Variants in PLEK observed in about 807,000 individuals in gnomAD.
PLEK encodes the protein pleckstrin.
In PLEK, 25 loss-of-function variants were observed where a neutral mutation model predicts 43.9. The ratio of observed to expected loss-of-function variants is 0.57; its 90% CI spans 0.41 to 0.79. PLEK has a LOEUF of 0.79. PLEK is among the 30% of genes least tolerant of loss of function. PLEK has a pLI of 0.00. For synonymous variants in PLEK, 152 were observed against 144.4 expected (o/e 1.05, Z -0.38); for missense variants, 396 against 413.3 (o/e 0.96, Z 0.36).
In PLEK at chr2:68,395,457, A is replaced by G. The variant is rs1558502356; in HGVS notation, c.917-223A>G. On this transcript the variant is annotated intron_variant, in intron 8 of 8. Coordinates refer to ENST00000234313, the MANE Select transcript of PLEK (RefSeq NM_002664.3). ...TGTTTTACCTATTTCTTAAAAATAT[A>G]TATATACACACAGTCATACTATGTA... Among the ~76,000 whole-genome samples the G allele has an allele frequency of 2.6e-5, 4 of 152,152 alleles. No individual in the cohort carries two copies. The South Asian group carries it at 8.3e-4, about 31-fold the overall frequency.
At chr2:68,379,070 C>A (rs996321463) in intron 1 of PLEK, among the ~76,000 whole-genome samples, 1 of 152,040 alleles carries the variant, frequency 6.6e-6, no homozygotes, top group African/African-American at 2.4e-5. Flanking sequence ...ACAGGCGGAG[C>A]TTGCAGTGAG....
At chr2:68,378,442 G>A (rs1279517850) in intron 1 of PLEK, among the ~76,000 whole-genome samples, 2 of 152,220 alleles carry the variant, frequency 1.3e-5, no homozygotes, top group East Asian at 1.9e-4. Context: ...TCCACCAGAA[G>A]AGAAACCAAA....
In PLEK at chr2:68,381,034, G is replaced by C. The variant is rs568028548; in HGVS notation, c.380+130G>C. 3.6e-5 allele frequency: 28 copies of C among 774,030 alleles called. No homozygotes were observed. In the South Asian group the frequency reaches 4.5e-4, roughly 12 times the overall value. 47.9% of individuals were successfully genotyped at this position (774,030 alleles called of 1,614,324 possible). A position where few individuals can be genotyped will look rare whatever the true frequency, so the allele number is the denominator to read the frequency against. On this transcript the variant is annotated intron_variant, in intron 3 of 8. Coordinates refer to ENST00000234313, the MANE Select transcript of PLEK (RefSeq NM_002664.3). ...CTCTGCCAGGTCAATACTGGCACTT[G>C]GTGTACTAAAATGTTTACCTGGGTC...
chr2:68,384,511 C>T (rs1014872560), intron 4 of PLEK, among the ~76,000 whole-genome samples: 1 of 152,164 alleles, frequency 6.6e-6, no homozygotes, highest in Non-Finnish European at 1.5e-5. Context: ...CCTAAGATTA[C>T]AGGTGGGCTA....
chr2:68,386,456 T>C (rs2103778341), intron 4 of PLEK, 46 bp from the exon 5 acceptor site: 8 of 1,509,820 alleles, frequency 5.3e-6, no homozygotes, highest in Non-Finnish European at 7.3e-6. Flanking sequence ...CAGGGGCTTG[T>C]TCTTCGGTAA....
intron 4 of PLEK, among the ~76,000 whole-genome samples, chr2:68,383,795 T>C (rs535329739): frequency 1.6e-4 from 25 of 152,244 alleles, no homozygotes; most frequent in African/African-American, 6.0e-4. Context: ...CATCAACAGA[T>C]AATCCATGAA....
At chr2:68,375,083 T>C (rs570664259) in intron 1 of PLEK, among the ~76,000 whole-genome samples, 16 of 152,314 alleles carry the variant, frequency 1.1e-4, no homozygotes, top group Middle Eastern at 3.4e-3. Context: ...AGGACATATA[T>C]GTGTTTAGCT....
intron 1 of PLEK, among the ~76,000 whole-genome samples, chr2:68,375,186 C>T (rs923663172): frequency 2.0e-5 from 3 of 152,128 alleles, no homozygotes; most frequent in Non-Finnish European, 4.4e-5. Context: ...ATTCTACCTC[C>T]TTGTCAAGTC....
In PLEK at chr2:68,395,735, C is replaced by T. The variant is rs775007750; in HGVS notation, c.972C>T (p.His324=). 1.2e-6 allele frequency: 2 copies of T among 1,613,866 alleles called. No individual in the cohort carries two copies. The highest frequency in any genetic ancestry group is 1.7e-6 in the Non-Finnish European group (2 of 1,179,812). ...AGATCATCACAGCAGATGAAGTGCA[C>T]TATTTCTTGCAAGCAGCCACCCCCA... The part of the protein sequence containing the change: ...LFEIITADEV[H]YFLQAATPKE... The change falls in exon 9 of 9, where the codon CAC becomes CAT. Residue 324 remains histidine (H), a synonymous_variant. Coordinates refer to ENST00000234313, the MANE Select transcript of PLEK (RefSeq NM_002664.3).
At chr2:68,386,999 T>C (rs1235618076) in intron 5 of PLEK, among the ~76,000 whole-genome samples, 3 of 152,156 alleles carry the variant, frequency 2.0e-5, no homozygotes, top group East Asian at 1.9e-4. Flanking sequence ...GTTTCCTATT[T>C]ACTTATTATT....
intron 1 of PLEK, among the ~76,000 whole-genome samples, chr2:68,376,962 T>C (rs771062087): frequency 4.3e-4 from 66 of 152,178 alleles, no homozygotes; most frequent in Non-Finnish European, 8.1e-4. Flanking sequence ...TTCTACTCTC[T>C]GTGTCCATGA....
At chr2:68,372,724 C>A (rs965063029) in intron 1 of PLEK, among the ~76,000 whole-genome samples, 21 of 152,102 alleles carry the variant, frequency 1.4e-4, no homozygotes, top group Non-Finnish European at 2.9e-4. Flanking sequence ...CACATACACA[C>A]AGCATATGGA....
intron 6 of PLEK, among the ~76,000 whole-genome samples, chr2:68,392,122 CTTCCTTCCTCT>C (rs1395773597): frequency 1.3e-5 from 2 of 151,648 alleles, no homozygotes; most frequent in Non-Finnish European, 2.9e-5. Context: ...TTCTTTCTTT[CTTCCTTCCTCT>C]TTCCTTCCTC....
chr2:68,372,227 GC>G (rs1673422906), intron 1 of PLEK, among the ~76,000 whole-genome samples: 1 of 150,678 alleles, frequency 6.6e-6, no homozygotes, highest in Non-Finnish European at 1.5e-5. Flanking sequence ...AGGCTGGAGT[GC>G]AGTGGTGTGA....
intron 5 of PLEK, 91 bp downstream of exon 5, chr2:68,386,777 G>A (rs974753132): frequency 2.4e-5 from 24 of 991,882 alleles, no homozygotes; most frequent in African/African-American, 1.3e-4. Context: ...TCTATAGAGC[G>A]CTGTTAGGCA....
At chr2:68,385,211 G>A (rs996368001) in intron 4 of PLEK, among the ~76,000 whole-genome samples, 1 of 152,284 alleles carries the variant, frequency 6.6e-6, no homozygotes, top group African/African-American at 2.4e-5. Flanking sequence ...TGATCAAATC[G>A]TGGTAACTAG....
rs566056055 is a variant in PLEK at position 68,365,851 on chromosome 2, G to A, written c.42+458G>A. 4.6e-5 allele frequency among the ~76,000 whole-genome samples: 7 copies of A among 151,976 alleles called. No homozygotes were observed. In the South Asian group the frequency reaches 1.2e-3, roughly 27 times the overall value. On this transcript the variant is annotated intron_variant, in intron 1 of 8. Coordinates refer to ENST00000234313, the MANE Select transcript of PLEK (RefSeq NM_002664.3). ...GTTGATATAATGATAGAGTAATTAC[G>A]GCTTATTTCTTGGGCCATCTTCTTG...
At chr2:68,393,936 C>G (rs1268453614) in intron 7 of PLEK, among the ~76,000 whole-genome samples, 171 bp from the exon 8 acceptor site, 1 of 152,108 alleles carries the variant, frequency 6.6e-6, no homozygotes, top group Non-Finnish European at 1.5e-5. Context: ...TGTGGAGGAT[C>G]TGGAAGGACC....
rs779720537 is a variant in PLEK at position 68,388,430 on chromosome 2, A to ATGC, written c.703_704insCTG (p.Asp234_Val235insAla). The ATGC allele has an allele frequency of 3.7e-6, 6 of 1,612,238 alleles. No individual in the cohort carries two copies. Among genetic ancestry groups the ATGC allele is most frequent in the Non-Finnish European group, 5.1e-6 (6 of 1,178,262 alleles). On this transcript the variant is annotated inframe_insertion, in exon 6 of 9. Transcript: ENST00000234313. ...TGTGAAGAGAATTCCAGTGATGATG[A>ATGC]TGTGATTCTGAAAGAAGAATTCAGA... is the stretch of plus-strand genomic sequence containing the variant.
Sources: gnomAD v4.1 joint callset for allele counts (sites outside exome capture counted in the v4.1 genomes callset) on GRCh38, gnomAD v4.1.1 for gene constraint, MANE v1.5 for transcripts, NCBI Gene and HGNC (gene_info 2026-07-23, HGNC 2026-07-21) for gene names.